The following NRXN3 variants were observed in gnomAD, a reference collection of about 807,000 sequenced individuals.
The protein encoded by NRXN3 is neurexin 3, also known as neurexin III.
Under a neutral mutation model 137.6 loss-of-function variants are expected in NRXN3, and 32 were observed. The ratio of observed to expected loss-of-function variants is 0.23; its 90% CI spans 0.18 to 0.31. NRXN3 has a LOEUF of 0.31. Among genes scored for constraint, NRXN3 ranks in the 10% least tolerant of loss-of-function variants. The pLI is 1.00. For synonymous variants in NRXN3, 798 were observed against 784.5 expected, an observed-to-expected ratio of 1.02 and a Z score of -0.29; for missense variants, 1,574 against 2,062.5, an observed-to-expected ratio of 0.76 and a Z score of 4.59.
intron 20 of NRXN3, chr14:79,853,790 G>A: frequency 1.0e-6 from 1 of 999,308 alleles, no homozygotes; most frequent in Non-Finnish European, 1.2e-6. Flanking sequence ...ATATATATCT[G>A]AAAACTTATA....
At chr14:79,064,592 A>G (rs1045761863) in intron 15 of NRXN3, among the ~76,000 whole-genome samples, 1 of 146,496 alleles carries the variant, frequency 6.8e-6, no homozygotes, top group African/African-American at 2.5e-5. Flanking sequence ...AAAAGTAAAA[A>G]GAAAATTTAC....
At chr14:78,994,968 C>G (rs1016178970) in intron 15 of NRXN3, among the ~76,000 whole-genome samples, 1 of 152,150 alleles carries the variant, frequency 6.6e-6, no homozygotes, top group Non-Finnish European at 1.5e-5. Context: ...TGAGATCACA[C>G]TGTTAGAATA....
intron 10 of NRXN3, among the ~76,000 whole-genome samples, chr14:78,948,598 C>T (rs989173310): frequency 6.8e-6 from 1 of 146,264 alleles, no homozygotes; most frequent in Non-Finnish European, 1.5e-5. Flanking sequence ...ATTTTTCATA[C>T]TCACTTTCAT....
intron 10 of NRXN3, among the ~76,000 whole-genome samples, chr14:78,951,875 A>T (rs1463359478): frequency 1.3e-5 from 2 of 152,214 alleles, no homozygotes; most frequent in Admixed American, 6.5e-5. Flanking sequence ...GCTGAAGTAG[A>T]GGATGAGGCA....
chr14:79,329,527 T>C (rs2091378492), intron 15 of NRXN3, among the ~76,000 whole-genome samples: 1 of 152,186 alleles, frequency 6.6e-6, no homozygotes, highest in Non-Finnish European at 1.5e-5. Context: ...ATTTAGCTGT[T>C]GTACCATGAA....
chr14:78,437,347 CT>C (rs201830022), intron 4 of NRXN3, among the ~76,000 whole-genome samples: 15,413 of 143,152 alleles, frequency 0.11, 1,360 homozygotes, highest in African/African-American at 0.26. Context: ...TTTTCTTTTT[CT>C]TTTTTTTTTT....
intron 16 of NRXN3, among the ~76,000 whole-genome samples, chr14:79,551,953 T>C (rs1392430714): frequency 6.6e-6 from 1 of 152,192 alleles, no homozygotes; most frequent in African/African-American, 2.4e-5. Context: ...TTTCCACTGC[T>C]TTTCGTCATT....
At chr14:78,928,982 A>T (rs968294425) in intron 10 of NRXN3, among the ~76,000 whole-genome samples, 5 of 152,068 alleles carry the variant, frequency 3.3e-5, no homozygotes, top group African/African-American at 1.2e-4. Flanking sequence ...ATTTTTAATG[A>T]TCTCCATTCT....
chr14:79,296,491 G>C (rs2084170321), intron 15 of NRXN3, among the ~76,000 whole-genome samples: 1 of 151,688 alleles, frequency 6.6e-6, no homozygotes, highest in African/African-American at 2.4e-5. Context: ...GACTCCATTT[G>C]CTGAGTTATG....
At chr14:79,120,421 G>C (rs1179928525) in intron 15 of NRXN3, among the ~76,000 whole-genome samples, 1 of 151,806 alleles carries the variant, frequency 6.6e-6, no homozygotes, top group Admixed American at 6.6e-5. Context: ...CCATGAGAAG[G>C]GCATAACTTT....
chr14:78,879,555 A>AT (rs926442816), intron 10 of NRXN3, among the ~76,000 whole-genome samples: 1 of 152,092 alleles, frequency 6.6e-6, no homozygotes, highest in African/African-American at 2.4e-5. Flanking sequence ...TCCTTTGCTT[A>AT]TTTTTTAATT....
At chr14:78,510,495 A>G (rs1567799266) in intron 4 of NRXN3, among the ~76,000 whole-genome samples, 1 of 152,168 alleles carries the variant, frequency 6.6e-6, no homozygotes, top group Non-Finnish European at 1.5e-5. Flanking sequence ...AAGGAGTGCT[A>G]TTGATTTGAT....
intron 10 of NRXN3, among the ~76,000 whole-genome samples, chr14:78,939,531 C>T (rs933530890): frequency 6.6e-6 from 1 of 152,322 alleles, no homozygotes; most frequent in Non-Finnish European, 1.5e-5. Context: ...AGCTGGGAAA[C>T]ACTGGTCCTG....
chr14:78,920,679 C>T (rs2099268564), intron 10 of NRXN3, among the ~76,000 whole-genome samples: 1 of 152,184 alleles, frequency 6.6e-6, no homozygotes, highest in South Asian at 2.1e-4. Flanking sequence ...CAGCTGACCA[C>T]AAATTGGGGG....
intron 4 of NRXN3, among the ~76,000 whole-genome samples, chr14:78,517,231 A>T (rs925919790): frequency 1.3e-4 from 20 of 152,178 alleles, no homozygotes; most frequent in African/African-American, 3.6e-4. Context: ...TATGGCCAAT[A>T]ACTTTAGATA....
At chr14:79,299,828 C>T (rs2084831691) in intron 15 of NRXN3, among the ~76,000 whole-genome samples, 2 of 152,024 alleles carry the variant, frequency 1.3e-5, no homozygotes. Context: ...TATTTTCCCG[C>T]AATCCTATTT....
At chr14:78,798,582 C>A (rs1234797804) in intron 8 of NRXN3, among the ~76,000 whole-genome samples, 1 of 152,190 alleles carries the variant, frequency 6.6e-6, no homozygotes, top group Non-Finnish European at 1.5e-5. Context: ...GCCTTCTTCT[C>A]ACGGCTCCAC....
intron 4 of NRXN3, among the ~76,000 whole-genome samples, chr14:78,474,972 G>A (rs1190410732): frequency 1.3e-5 from 2 of 152,164 alleles, no homozygotes; most frequent in African/African-American, 4.8e-5. Context: ...TGGGTCTAGT[G>A]TACCCCAGGT....
chr14:79,813,737 C>A (rs192386162), intron 20 of NRXN3, among the ~76,000 whole-genome samples: 2 of 152,084 alleles, frequency 1.3e-5, no homozygotes, highest in Admixed American at 6.5e-5. Context: ...TTTTAATTTC[C>A]GTTTCTTTCC....
Sources: allele counts gnomAD v4.1 joint callset (sites outside exome capture counted in the v4.1 genomes callset), GRCh38; gene constraint gnomAD v4.1.1; transcripts MANE v1.5; gene names NCBI Gene and HGNC (gene_info 2026-07-23, HGNC 2026-07-21).